PLCE1: variants seen among roughly 807,000 people sequenced by gnomAD.
PLCE1 encodes 1-phosphatidylinositol 4,5-bisphosphate phosphodiesterase epsilon-1.
A neutral mutation model predicts 242.8 loss-of-function variants in PLCE1; 119 were observed. The ratio of observed to expected loss-of-function variants is 0.49; its 90% CI spans 0.42 to 0.57. The LOEUF (loss-of-function observed/expected upper bound fraction) is 0.57. Ranked by LOEUF, PLCE1 falls within the 20% of genes least tolerant of loss-of-function variation. PLCE1 has a pLI of 0.00. For synonymous variants in PLCE1, 945 were observed against 1,017.4 expected (o/e 0.93, Z 1.35); for missense variants, 2,441 against 2,788.8 (o/e 0.88, Z 2.81).
intron 2 of PLCE1, among the ~76,000 whole-genome samples, chr10:94,127,891 G>A (rs77559582): frequency 0.015 from 2,212 of 151,622 alleles, 52 homozygotes; most frequent in Admixed American, 0.045. Context: ...TGTAATGACC[G>A]TTCTCTACTG....
intron 24 of PLCE1, among the ~76,000 whole-genome samples, chr10:94,301,598 A>G (rs1331865328): frequency 6.6e-6 from 1 of 152,158 alleles, no homozygotes; most frequent in Non-Finnish European, 1.5e-5. Context: ...GTGGGTGTCC[A>G]TGGACTTATG....
intron 2 of PLCE1, among the ~76,000 whole-genome samples, chr10:94,037,435 G>C (rs1183075696): frequency 6.6e-6 from 1 of 152,140 alleles, no homozygotes; most frequent in Non-Finnish European, 1.5e-5. Context: ...TTCTGGTCTG[G>C]AAATTTGGTT....
At chr10:94,000,966 G>T (rs2060919920) in intron 1 of PLCE1, among the ~76,000 whole-genome samples, 1 of 152,146 alleles carries the variant, frequency 6.6e-6, no homozygotes, top group Non-Finnish European at 1.5e-5. Context: ...TCTCCTCCCT[G>T]CTTCTGCTCA....
Position 94,009,431 on chromosome 10 carries a change from A to C in PLCE1, c.-365+15173A>C, listed in dbSNP as rs138375650. 4.9e-3 allele frequency among the ~76,000 whole-genome samples: 745 copies of C among 152,280 alleles called. 3 individuals are homozygous for C. The highest frequency in any genetic ancestry group is 0.017 in the African/African-American group (716 of 41,560). Reference sequence around the variant, plus strand: ...CAATTCAACATGGGATTTGGAGGGCACAAACATCCAACTATGTCATTCTGC... The same window carrying C: ...CAATTCAACATGGGATTTGGAGGGCCCAAACATCCAACTATGTCATTCTGC... On this transcript the variant is annotated intron_variant, in intron 1 of 32. Transcript: ENST00000371380.
chr10:94,007,496 A>G (rs575286589), intron 1 of PLCE1, among the ~76,000 whole-genome samples: 125 of 152,246 alleles, frequency 8.2e-4, no homozygotes, highest in Admixed American at 1.4e-3. Flanking sequence ...TGCAGGATGA[A>G]AAGAATCTCC....
intron 1 of PLCE1, among the ~76,000 whole-genome samples, chr10:94,017,055 G>T (rs890510477): frequency 6.6e-6 from 1 of 152,128 alleles, no homozygotes; most frequent in Non-Finnish European, 1.5e-5. Context: ...CCTGGGATTT[G>T]CTCCATCCCC....
At chr10:94,146,078 C>T (rs1314789281) in intron 3 of PLCE1, among the ~76,000 whole-genome samples, 1 of 152,088 alleles carries the variant, frequency 6.6e-6, no homozygotes, top group Non-Finnish European at 1.5e-5. Flanking sequence ...GAACCTAAAG[C>T]ATTAGAGAGC....
intron 2 of PLCE1, among the ~76,000 whole-genome samples, chr10:94,033,238 C>A (rs1034130087): frequency 4.0e-5 from 6 of 151,666 alleles, no homozygotes; most frequent in African/African-American, 7.3e-5. Flanking sequence ...GAATATAAGT[C>A]CTTATATTCA....
chr10:94,096,229 C>T (rs2045303997), intron 2 of PLCE1, among the ~76,000 whole-genome samples: 1 of 152,180 alleles, frequency 6.6e-6, no homozygotes, highest in Non-Finnish European at 1.5e-5. Context: ...TGCTAACACA[C>T]TCAAGACGAA....
In PLCE1 at chr10:94,171,205, C is replaced by T; in HGVS notation, c.1518C>T (p.Ala506=). 1 of 1,614,184 alleles carries T rather than the reference C, an allele frequency of 6.2e-7. No individual in the cohort carries two copies. The highest frequency in any genetic ancestry group is 8.5e-7 in the Non-Finnish European group (1 of 1,180,012). Residue 506 remains alanine (A), a synonymous_variant, in exon 4 of 33, where the codon GCC becomes GCT. Transcript: ENST00000371380. The stretch of plus-strand genomic sequence containing the variant: ...AACGCCAGCCAGGCCCCTCTGTGGC[C>T]AATTCCAATGCCCTCCCTTCAAGTT... The part of the protein sequence containing the change: ...LKERQPGPSV[A]NSNALPSSSA...
chr10:94,072,158 T>C (rs1157665329), intron 2 of PLCE1, among the ~76,000 whole-genome samples: 1 of 152,232 alleles, frequency 6.6e-6, no homozygotes, highest in African/African-American at 2.4e-5. Context: ...TTGTCTGTTG[T>C]TATTGTTTGC....
At chr10:94,280,448 G>A (rs1274822457) in intron 20 of PLCE1, 1 of 157,930 alleles carries the variant, frequency 6.3e-6, no homozygotes, top group African/African-American at 2.4e-5. Flanking sequence ...CATAGGCAAT[G>A]CTAATGACGC....
chr10:94,100,555 G>A (rs1440972309), intron 2 of PLCE1: 1 of 152,176 alleles, frequency 6.6e-6, no homozygotes, highest in African/African-American at 2.4e-5. Flanking sequence ...GGGATATTTG[G>A]TGTAAAACAA....
chr10:94,208,895 G>A (rs1324588460), intron 4 of PLCE1, among the ~76,000 whole-genome samples: 8 of 152,170 alleles, frequency 5.3e-5, no homozygotes, highest in Non-Finnish European at 8.8e-5. Flanking sequence ...CAAACTAATC[G>A]TCGCCACAAT....
Position 94,259,942 on chromosome 10 carries a change from A to T in PLCE1, c.3814+792A>T, listed in dbSNP as rs950552369. ...AAACTCCCCTTTATAAAACCATCAG[A>T]TCTCATGAGACTTATTCACTATCAT... On this transcript the variant is annotated intron_variant, in intron 13 of 32. Coordinates refer to ENST00000371380, the MANE Select transcript of PLCE1 (RefSeq NM_016341.4). Among the ~76,000 whole-genome samples, 7 of 152,140 alleles carry T rather than the reference A, an allele frequency of 4.6e-5. No homozygotes were observed. In the East Asian group the frequency reaches 9.6e-4, roughly 21 times the overall value.
intron 23 of PLCE1, among the ~76,000 whole-genome samples, chr10:94,297,971 T>A (rs1188459982): frequency 6.6e-6 from 1 of 152,352 alleles, no homozygotes; most frequent in African/African-American, 2.4e-5. Context: ...AAAGGACTTC[T>A]AGGCTTTTAA....
chr10:94,231,038 C>T (rs2050126355), intron 5 of PLCE1, among the ~76,000 whole-genome samples: 1 of 152,098 alleles, frequency 6.6e-6, no homozygotes, highest in South Asian at 2.1e-4. Flanking sequence ...AGAAGAAATA[C>T]TGAAAGAAAA....
At chr10:94,113,597 C>A (rs2046023142) in intron 2 of PLCE1, among the ~76,000 whole-genome samples, 1 of 152,168 alleles carries the variant, frequency 6.6e-6, no homozygotes, top group South Asian at 2.1e-4. Flanking sequence ...TTCATTCATT[C>A]AATTATCACA....
intron 4 of PLCE1, among the ~76,000 whole-genome samples, chr10:94,193,343 A>G (rs2048726367): frequency 6.6e-6 from 1 of 152,208 alleles, no homozygotes; most frequent in Admixed American, 6.5e-5. Context: ...CACAGCAAAC[A>G]AAGGTGAAAG....
Sources: allele counts gnomAD v4.1 joint callset (sites outside exome capture counted in the v4.1 genomes callset), GRCh38; gene constraint gnomAD v4.1.1; transcripts MANE v1.5; gene names NCBI Gene and HGNC (gene_info 2026-07-23, HGNC 2026-07-21).